The following NAPA variants were observed in gnomAD, a reference collection of about 807,000 sequenced individuals.
The protein encoded by NAPA is alpha-soluble NSF attachment protein.
In NAPA, 18 loss-of-function variants were observed where a neutral mutation model predicts 48.0. That is an observed-to-expected ratio of 0.38 (90% confidence interval 0.26 to 0.56). The LOEUF (loss-of-function observed/expected upper bound fraction) is 0.56. Ranked by LOEUF, NAPA falls within the 20% of genes least tolerant of loss-of-function variation. NAPA has a pLI of 0.77. For synonymous variants in NAPA, 152 were observed against 149.9 expected (o/e 1.01, Z -0.10); for missense variants, 315 against 385.0 (o/e 0.82, Z 1.52).
chr19:47,509,602 T>A (rs1357806758), intron 1 of NAPA, among the ~76,000 whole-genome samples: 1 of 152,176 alleles, frequency 6.6e-6, no homozygotes, highest in African/African-American at 2.4e-5. Flanking sequence ...GAGGACCGAT[T>A]CCAGGCACGC....
In NAPA at chr19:47,493,137, T is replaced by C. The variant is rs1167683475; in HGVS notation, c.458A>G (p.Lys153Arg). ...AHYEQSADYY[K>R]GEESNSSANK... ...GGGCTACCTGTTGGACTCCTCGCCT[T>C]TGTAGTAGTCTGCAGACTGCTCGTA... The change falls in exon 6 of 11, where the codon AAA becomes AGA. Residue 153 changes from lysine (K) to arginine (R), a missense_variant. This residue lies in a region of NAPA where 173 missense variants were observed against 213.5 expected (regional missense o/e 0.81). Coordinates refer to ENST00000263354, the MANE Select transcript of NAPA (RefSeq NM_003827.4). The surrounding 1 kb of genome is among the most constrained non-coding windows in gnomAD (Gnocchi z 6.4). The C allele has an allele frequency of 6.2e-7, 1 of 1,611,514 alleles. No individual in the cohort carries two copies. The highest frequency in any genetic ancestry group is 1.3e-5 in the African/African-American group (1 of 74,930).
In NAPA at chr19:47,514,847, A is replaced by T; in HGVS notation, c.94T>A (p.Phe32Ile). ...ACCCCTCAGCCCGGTTCTCACCCAA[A>T]GAGGCCAGAGAAGAAGGACTGCGAG... ...KNSQSFFSGLFGGSSKIEEAC... is the reference protein window; with the variant it reads ...KNSQSFFSGLIGGSSKIEEAC... The change falls in exon 1 of 11, where the codon TTT becomes ATT. Residue 32 changes from phenylalanine to isoleucine, a missense_variant. Around this residue, in one of 3 missense-constraint regions of NAPA, gnomAD observed 173 missense variants for 213.5 expected, o/e 0.81. Transcript: ENST00000263354. 1.9e-6 allele frequency: 3 copies of T among 1,613,838 alleles called. No individual in the cohort carries two copies. The highest frequency in any genetic ancestry group is 2.5e-6 in the Non-Finnish European group (3 of 1,179,862).
At chr19:47,504,884 A>AC (rs1568469791) in intron 1 of NAPA, among the ~76,000 whole-genome samples, 1 of 152,000 alleles carries the variant, frequency 6.6e-6, no homozygotes, top group Non-Finnish European at 1.5e-5. Flanking sequence ...AAACAGCAAA[A>AC]CCCCCCAAAA....
chr19:47,493,003 C>A lies in NAPA; in HGVS notation c.519G>T (p.Ala173=). ...KCLLKVAGYA[A]LLEQYQKAID... ...TGGCCTTCTGATACTGCTCCAGCAG[C>A]GCAGCGTAACCAGCCACCTTCAGCA... Residue 173 remains alanine (A), a synonymous_variant, in exon 7 of 11, where the codon GCG becomes GCT. Coordinates refer to ENST00000263354, the MANE Select transcript of NAPA (RefSeq NM_003827.4). This position sits in a 1 kb window ranked among gnomAD's most constrained non-coding sequence, Gnocchi z 6.4. 6.2e-7 allele frequency: 1 copy of A among 1,614,168 alleles called. No individual in the cohort carries two copies. The highest frequency in any genetic ancestry group is 1.1e-5 in the South Asian group (1 of 91,084).
rs1322954870 is a variant in NAPA, at chr19:47,514,998, G to A, written c.-58C>T. On this transcript the variant is annotated 5_prime_UTR_variant, in exon 1 of 11. Coordinates refer to ENST00000263354, the MANE Select transcript of NAPA (RefSeq NM_003827.4). ...ACCCTGACCCTGGGAAGACTCAGCC[G>A]CGGCCGGGCCGCGGAACACAGATCG... 1.9e-6 allele frequency: 3 copies of A among 1,548,788 alleles called. No individual in the cohort carries two copies. In the African/African-American group the frequency reaches 4.1e-5, roughly 21 times the overall value.
chr19:47,510,807 ACTGTG>A (rs947305827), intron 1 of NAPA, among the ~76,000 whole-genome samples: 2 of 152,288 alleles, frequency 1.3e-5, no homozygotes, highest in Admixed American at 1.3e-4. Context: ...CTGCTGGCTC[ACTGTG>A]CTGTAGTTAG....
rs2122771386 is a variant in NAPA, at chr19:47,506,281, AG to A, written c.99-2780del. 6.6e-6 allele frequency among the ~76,000 whole-genome samples: 1 copy of A among 152,222 alleles called. No individual in the cohort carries two copies. Among genetic ancestry groups the A allele is most frequent in the South Asian group, 2.1e-4 (1 of 4,824 alleles). ...CCAAAGTGCTGGGATTACAGGCATG[AG>A]CCACCGTGCCCAGCCTGGAATGACT... On this transcript the variant is annotated intron_variant, in intron 1 of 10. Coordinates refer to ENST00000263354, the MANE Select transcript of NAPA (RefSeq NM_003827.4). The surrounding 1 kb of genome is among the most constrained non-coding windows in gnomAD (Gnocchi z 4.0).
intron 1 of NAPA, among the ~76,000 whole-genome samples, chr19:47,507,934 C>A (rs1322991656): frequency 6.6e-6 from 1 of 152,172 alleles, no homozygotes; most frequent in East Asian, 1.9e-4. Context: ...GCCCTTGCCT[C>A]TCACTCAGTG....
intron 1 of NAPA, among the ~76,000 whole-genome samples, chr19:47,509,820 G>C (rs1298817633): frequency 3.3e-5 from 5 of 152,174 alleles, no homozygotes; most frequent in Admixed American, 6.5e-5. Context: ...CAGGCGCCCT[G>C]TTTCTTATTT....
At chr19:47,514,358 C>T (rs1193268243) in intron 1 of NAPA, among the ~76,000 whole-genome samples, 3 of 152,108 alleles carry the variant, frequency 2.0e-5, no homozygotes, top group Non-Finnish European at 2.9e-5. Flanking sequence ...AGGTCAGTCC[C>T]TCGGGCAGGC....
chr19:47,489,898 G>C, intron 9 of NAPA, 137 bp from the exon 10 acceptor site: 1 of 837,584 alleles, frequency 1.2e-6, no homozygotes, highest in South Asian at 1.5e-5. Context: ...GTCAATCCGT[G>C]TGGGTTAAAC....
rs1968343457 is a variant in NAPA at position 47,493,716 on chromosome 19, G to A, written c.343-223C>T. On this transcript the variant is annotated intron_variant, in intron 4 of 10. Transcript: ENST00000263354. This position sits in a 1 kb window ranked among gnomAD's most constrained non-coding sequence, Gnocchi z 6.4. Reference sequence around the variant, plus strand: ...ATGCGTGCTGGGCTGAGCGGGTGATGTTGGACAAGCCACTCCAGGGCCTTA... The same window carrying A: ...ATGCGTGCTGGGCTGAGCGGGTGATATTGGACAAGCCACTCCAGGGCCTTA... 4.8e-5 allele frequency: 27 copies of A among 561,548 alleles called. No individual in the cohort carries two copies. The South Asian group carries it at 5.7e-4, about 12-fold the overall frequency. 34.8% of individuals were successfully genotyped at this position (561,548 alleles called of 1,614,324 possible). A position where few individuals can be genotyped will look rare whatever the true frequency, so the allele number is the denominator to read the frequency against.
At chr19:47,494,864 G>A (rs1382035517) in intron 4 of NAPA, among the ~76,000 whole-genome samples, 4 of 151,914 alleles carry the variant, frequency 2.6e-5, no homozygotes, top group Admixed American at 6.6e-5. Flanking sequence ...TTGGCAACGC[G>A]CCCTGGGGGC....
chr19:47,500,468 C>T (rs1968547008), intron 3 of NAPA, among the ~76,000 whole-genome samples, 165 bp downstream of exon 3: 2 of 152,174 alleles, frequency 1.3e-5, no homozygotes, highest in Non-Finnish European at 2.9e-5. Flanking sequence ...AGGAAGAGAG[C>T]CAGTTCTAAA....
chr19:47,497,991 A>G (rs1968474243), intron 3 of NAPA, among the ~76,000 whole-genome samples: 1 of 152,294 alleles, frequency 6.6e-6, no homozygotes, highest in East Asian at 1.9e-4. Context: ...AGCAGCAGCC[A>G]TGGTTGGGTA....
chr19:47,505,674 C>A (rs1168812189), intron 1 of NAPA: 1 of 152,216 alleles, frequency 6.6e-6, no homozygotes, highest in Non-Finnish European at 1.5e-5. Context: ...AGATCAGCGG[C>A]CAGGCCTGGC....
intron 1 of NAPA, among the ~76,000 whole-genome samples, chr19:47,510,442 T>C (rs1968784366): frequency 6.6e-6 from 1 of 152,198 alleles, no homozygotes; most frequent in Admixed American, 6.5e-5. Context: ...AAGATGACAG[T>C]GAGCCCTTAA....
downstream of NAPA, among the ~76,000 whole-genome samples, chr19:47,486,667 G>A (rs1599884361): frequency 6.6e-6 from 1 of 152,210 alleles, no homozygotes; most frequent in East Asian, 1.9e-4. Flanking sequence ...TTTAGGTCAT[G>A]GATGACAGAA....
intron 1 of NAPA, among the ~76,000 whole-genome samples, chr19:47,507,661 G>A (rs529124354): frequency 1.3e-5 from 2 of 152,302 alleles, no homozygotes; most frequent in African/African-American, 4.8e-5. Flanking sequence ...CCCGTCACAT[G>A]CCTGTGTCTT....
Sources: allele counts gnomAD v4.1 joint callset (sites outside exome capture counted in the v4.1 genomes callset), GRCh38; gene constraint gnomAD v4.1.1; regional missense constraint gnomAD v4.1.1; non-coding constraint Gnocchi (gnomAD v3.1); transcripts MANE v1.5; gene names NCBI Gene and HGNC (gene_info 2026-07-23, HGNC 2026-07-21).